Variants in TMEM232 observed in about 807,000 individuals in gnomAD.
TMEM232 encodes transmembrane protein 232.
TMEM232 carries 80 observed loss-of-function variants against 78.8 expected under a neutral mutation model. The ratio of observed to expected loss-of-function variants is 1.01; its 90% CI spans 0.85 to 1.22. TMEM232 has a LOEUF of 1.22. Among genes scored for constraint, TMEM232 ranks in the 50% most tolerant of loss-of-function variants. The probability of loss-of-function intolerance (pLI) is 0.00; values close to 1 mark genes in which losing one functional copy is unlikely to be tolerated. For missense variants in TMEM232, 881 were observed against 742.2 expected (o/e 1.19, Z -2.17); for synonymous variants, 297 against 254.3 (o/e 1.17, Z -1.60).
chr5:110,428,645 C>CTTT lies in TMEM232; in HGVS notation c.1704-3732_1704-3730dup, dbSNP rs1275462209. Among the ~76,000 whole-genome samples, 5 of 144,190 alleles carry CTTT rather than the reference C, an allele frequency of 3.5e-5. No individual in the cohort carries two copies. In the East Asian group the frequency reaches 1.0e-3, roughly 29 times the overall value. 94.6% of individuals were successfully genotyped at this position (144,190 alleles called of 152,430 possible). The stretch of plus-strand genomic sequence containing the variant: ...CCCCAGCACTTACATATCCTCCTGT[C>CTTT]TTTTTTTTTTTTTCCCCAGAAGAGT... On this transcript the variant is annotated intron_variant, in intron 12 of 13. Coordinates refer to ENST00000455884, the MANE Select transcript of TMEM232 (RefSeq NM_001039763.4).
intron 12 of TMEM232, among the ~76,000 whole-genome samples, chr5:110,458,499 C>T (rs1761137721): frequency 6.6e-6 from 1 of 152,148 alleles, no homozygotes; most frequent in African/African-American, 2.4e-5. Flanking sequence ...TGAATAGTAG[C>T]TGTCTAGTAG....
In TMEM232 at chr5:110,420,796, G is replaced by GA. The variant is rs1348685659; in HGVS notation, c.1798-41dup. ...AAACGTCATTCACATGATTTTCCAT[G>GA]AAAAAATGCATATCAGTTTAGCTGC... On this transcript the variant is annotated intron_variant, in intron 13 of 13. Transcript: ENST00000455884. 4.7e-6 allele frequency: 7 copies of GA among 1,480,834 alleles called. No individual in the cohort carries two copies. In the East Asian group the frequency reaches 7.8e-5, roughly 17 times the overall value. 91.7% of individuals were successfully genotyped at this position (1,480,834 alleles called of 1,614,324 possible). A position where few individuals can be genotyped will look rare whatever the true frequency, so the allele number is the denominator to read the frequency against.
chr5:110,478,054 A>G (rs989246231), intron 12 of TMEM232, among the ~76,000 whole-genome samples: 8 of 151,946 alleles, frequency 5.3e-5, no homozygotes, highest in African/African-American at 1.9e-4. Flanking sequence ...TAGCATTACC[A>G]TGTGACATGT....
intron 10 of TMEM232, among the ~76,000 whole-genome samples, chr5:110,598,625 T>C (rs1244237643): frequency 6.6e-6 from 1 of 151,816 alleles, no homozygotes; most frequent in Non-Finnish European, 1.5e-5. Flanking sequence ...TGTCCAACAA[T>C]GATAGACTGG....
chr5:110,526,335 G>C (rs373237984), intron 12 of TMEM232, among the ~76,000 whole-genome samples: 1 of 150,890 alleles, frequency 6.6e-6, no homozygotes, highest in East Asian at 2.0e-4. Context: ...GAGTCGCATA[G>C]ATTAATAGAT....
chr5:110,702,739 A>G (rs894171447), intron 1 of TMEM232, among the ~76,000 whole-genome samples: 3 of 152,084 alleles, frequency 2.0e-5, no homozygotes, highest in African/African-American at 7.2e-5. Flanking sequence ...GATTTGGGAA[A>G]TAACGGGCAG....
intron 2 of TMEM232, among the ~76,000 whole-genome samples, chr5:110,655,995 A>G (rs569129270): frequency 6.6e-6 from 1 of 151,596 alleles, no homozygotes; most frequent in African/African-American, 2.4e-5. Context: ...AGCATGGCAC[A>G]TGTATACATA....
Position 110,625,272 on chromosome 5 carries a change from C to A in TMEM232, c.763G>T (p.Asp255Tyr). Residue 255 changes from aspartate (D) to tyrosine (Y), a missense_variant, in exon 7 of 14, where the codon GAT becomes TAT. Physicochemically the swap from Asp to Tyr is radical, Grantham distance 160. Coordinates refer to ENST00000455884, the MANE Select transcript of TMEM232 (RefSeq NM_001039763.4). ...DKKRYENTDSDMGGYEINHLL... is the reference protein window; with the variant it reads ...DKKRYENTDSYMGGYEINHLL... ...CACCATACCAGATTACTCACCATATCAGAATCTGTGTTCTCATATCTTTTC... is the reference window on the plus strand; with the variant it reads ...CACCATACCAGATTACTCACCATATAAGAATCTGTGTTCTCATATCTTTTC... 1 of 1,533,452 alleles carries A rather than the reference C, an allele frequency of 6.5e-7. No individual in the cohort carries two copies. Among genetic ancestry groups the A allele is most frequent in the South Asian group, 1.2e-5 (1 of 80,486 alleles). 95.0% of individuals were successfully genotyped at this position (1,533,452 alleles called of 1,614,324 possible). A position where few individuals can be genotyped will look rare whatever the true frequency, so the allele number is the denominator to read the frequency against.
chr5:110,471,751 G>A (rs1351194695), intron 12 of TMEM232, among the ~76,000 whole-genome samples: 2 of 151,962 alleles, frequency 1.3e-5, no homozygotes, highest in Admixed American at 6.6e-5. Context: ...ATCACTACTA[G>A]AGCTAACCTA....
At chr5:110,645,456 C>CA (rs376898101) in intron 2 of TMEM232, among the ~76,000 whole-genome samples, 8,355 of 105,658 alleles carry the variant, frequency 0.079, 289 homozygotes, top group African/African-American at 0.12. Context: ...ACCATATTAC[C>CA]AAAAAAAAAA....
chr5:110,431,744 G>A (rs922351491), intron 12 of TMEM232, among the ~76,000 whole-genome samples: 2 of 151,750 alleles, frequency 1.3e-5, no homozygotes, highest in Admixed American at 6.6e-5. Flanking sequence ...GTGAAATTAA[G>A]AAGTTGGTAG....
At chr5:110,515,508 G>A (rs1768480261) in intron 12 of TMEM232, among the ~76,000 whole-genome samples, 3 of 152,166 alleles carry the variant, frequency 2.0e-5, no homozygotes, top group Non-Finnish European at 4.4e-5. Context: ...ACTCTTATAA[G>A]AAGGTAGAGT....
intron 10 of TMEM232, among the ~76,000 whole-genome samples, chr5:110,597,276 G>A (rs185375066): frequency 2.0e-4 from 30 of 152,256 alleles, no homozygotes; most frequent in East Asian, 5.8e-4. Context: ...GCTTCAAAGC[G>A]AATAAAATAC....
intron 10 of TMEM232, among the ~76,000 whole-genome samples, chr5:110,576,118 C>T (rs1281341909): frequency 1.3e-5 from 2 of 152,016 alleles, no homozygotes; most frequent in African/African-American, 4.8e-5. Flanking sequence ...ATGGCATGAT[C>T]CTACTTTTTG....
chr5:110,521,324 G>T (rs893253461), intron 12 of TMEM232, among the ~76,000 whole-genome samples: 2 of 152,006 alleles, frequency 1.3e-5, no homozygotes, highest in Admixed American at 6.6e-5. Flanking sequence ...AGTTTTTTTG[G>T]CTATGGAATT....
upstream of TMEM232, among the ~76,000 whole-genome samples, chr5:110,729,105 G>A (rs140921901): frequency 6.1e-4 from 93 of 152,046 alleles, no homozygotes; most frequent in African/African-American, 1.9e-3. Context: ...GGCTGATCTC[G>A]AACTCCTGAC....
chr5:110,713,607 G>C (rs1022998344), intron 1 of TMEM232, among the ~76,000 whole-genome samples: 1 of 151,894 alleles, frequency 6.6e-6, no homozygotes, highest in Non-Finnish European at 1.5e-5. Flanking sequence ...TTCAAAATTT[G>C]AAAAACAAAA....
chr5:110,431,180 G>T (rs1422769523), intron 12 of TMEM232, among the ~76,000 whole-genome samples: 1 of 151,464 alleles, frequency 6.6e-6, no homozygotes, highest in Non-Finnish European at 1.5e-5. Context: ...ATGTTCTAAA[G>T]TATTAAACTG....
chr5:110,701,778 T>G (rs1337286929), intron 1 of TMEM232, among the ~76,000 whole-genome samples: 1 of 151,976 alleles, frequency 6.6e-6, no homozygotes, highest in Non-Finnish European at 1.5e-5. Context: ...TGAAGGAAAT[T>G]CCATTCTACT....
Sources: gnomAD v4.1 joint callset for allele counts (sites outside exome capture counted in the v4.1 genomes callset) on GRCh38, gnomAD v4.1.1 for gene constraint, MANE v1.5 for transcripts, NCBI Gene and HGNC (gene_info 2026-07-23, HGNC 2026-07-21) for gene names.